The following ASRGL1 variants were observed in gnomAD, a reference collection of about 807,000 sequenced individuals.
The protein encoded by ASRGL1 is isoaspartyl peptidase/L-asparaginase.
Under a neutral mutation model 22.4 loss-of-function variants are expected in ASRGL1, and 16 were observed. The ratio of observed to expected loss-of-function variants is 0.71; its 90% confidence interval spans 0.48 to 1.08. The LOEUF (loss-of-function observed/expected upper bound fraction) is 1.08, where lower values mean the gene tolerates loss of function less well. Ranked by LOEUF, ASRGL1 falls within the 50% of genes least tolerant of loss-of-function variation. The pLI is 0.00. For synonymous variants in ASRGL1, 165 were observed against 159.3 expected (o/e 1.04, Z -0.27); for missense variants, 412 against 410.1 (o/e 1.00, Z -0.04).
At chr11:62,389,359 C>T in intron 5 of ASRGL1, 108 bp downstream of exon 5, 2 of 1,086,284 alleles carry the variant, frequency 1.8e-6, no homozygotes, top group Non-Finnish European at 2.8e-6. Flanking sequence ...TCCCTTTCTG[C>T]TTTTGGTGCA....
At chr11:62,371,575 G>C (rs1350724040) in intron 4 of ASRGL1, 2 of 691,820 alleles carry the variant, frequency 2.9e-6, no homozygotes, top group East Asian at 6.4e-5. Flanking sequence ...CACTGCGGAA[G>C]GCCACAGGGA....
At chr11:62,373,459 G>C (rs962089535) in intron 4 of ASRGL1, among the ~76,000 whole-genome samples, 2 of 151,826 alleles carry the variant, frequency 1.3e-5, no homozygotes, top group Non-Finnish European at 2.9e-5. Context: ...GAGCAATCTA[G>C]GTGTTTTTTT....
At chr11:62,338,760 A>C (rs888240395) in intron 2 of ASRGL1, among the ~76,000 whole-genome samples, 9 of 151,602 alleles carry the variant, frequency 5.9e-5, no homozygotes, top group African/African-American at 1.9e-4. Flanking sequence ...ACAGGTGAAA[A>C]GCCACCTCTA....
intron 2 of ASRGL1, among the ~76,000 whole-genome samples, chr11:62,341,982 G>A (rs1945874686): frequency 6.6e-6 from 1 of 152,212 alleles, no homozygotes; most frequent in South Asian, 2.1e-4. Flanking sequence ...TATTTAGTAA[G>A]GCCGTTTTTA....
At chr11:62,397,519 C>G (rs1422098484), downstream of ASRGL1, among the ~76,000 whole-genome samples, 1 of 151,942 alleles carries the variant, frequency 6.6e-6, no homozygotes, top group Non-Finnish European at 1.5e-5. Flanking sequence ...ACAAAATTAG[C>G]CGGGCATGGT....
chr11:62,349,526 G>A (rs1042343880), intron 2 of ASRGL1, among the ~76,000 whole-genome samples: 3 of 152,190 alleles, frequency 2.0e-5, no homozygotes, highest in African/African-American at 7.2e-5. Context: ...CTGAGGGACA[G>A]CTCTATGTGT....
chr11:62,371,089 T>G lies in ASRGL1; in HGVS notation c.491+13945T>G, dbSNP rs912983558. 7.8e-6 allele frequency: 5 copies of G among 644,046 alleles called. No individual in the cohort carries two copies. In the African/African-American group the frequency reaches 9.7e-5, roughly 12 times the overall value. The allele number at this position is 644,046 out of a possible 1,614,324, so 39.9% of individuals were successfully genotyped here. A position where few individuals can be genotyped will look rare whatever the true frequency, so the allele number is the denominator to read the frequency against. On this transcript the variant is annotated intron_variant, in intron 4 of 6. Transcript: ENST00000415229. ...CGATCCGTCTTTTAGTTGCTTCTCT[T>G]CCTTTTTTCTCTCTGGTTTCTCATC...
chr11:62,362,639 A>ATATTATATAAAAT (rs1946490362), intron 4 of ASRGL1, among the ~76,000 whole-genome samples: 1 of 21,192 alleles, frequency 4.7e-5, no homozygotes, highest in Non-Finnish European at 9.9e-5. Context: ...AAATATATAT[A>ATATTATATAAAAT]ATATATAATA....
At chr11:62,367,444 G>C (rs2134644385) in intron 4 of ASRGL1, among the ~76,000 whole-genome samples, 2 of 151,702 alleles carry the variant, frequency 1.3e-5, no homozygotes, top group African/African-American at 4.8e-5. Context: ...TCAGGAGTTT[G>C]AGACCAGTTG....
chr11:62,345,835 A>G (rs953558353), intron 2 of ASRGL1, among the ~76,000 whole-genome samples: 1 of 152,188 alleles, frequency 6.6e-6, no homozygotes, highest in African/African-American at 2.4e-5. Flanking sequence ...ACAGTTCACA[A>G]CAGGGTTCAC....
At chr11:62,389,408 G>T in intron 5 of ASRGL1, 157 bp downstream of exon 5, 1 of 754,176 alleles carries the variant, frequency 1.3e-6, no homozygotes, top group Non-Finnish European at 2.3e-6. Flanking sequence ...GGTTGGAAGG[G>T]GTTGTTCGGG....
Position 62,359,446 on chromosome 11 carries a change from CA to C in ASRGL1, c.491+2313del, listed in dbSNP as rs561856308. 6.8e-4 allele frequency among the ~76,000 whole-genome samples: 95 copies of C among 138,796 alleles called. No homozygotes were observed. The South Asian group carries it at 7.2e-3, about 11-fold the overall frequency. The allele number at this position is 138,796 out of a possible 152,430, so 91.1% of individuals were successfully genotyped here. ...GGGCAACAAGAGCGAAACTTTGTCT[CA>C]AAAAAAAAAAGTGAAATTAATAATA... On this transcript the variant is annotated intron_variant, in intron 4 of 6. Coordinates refer to ENST00000415229, the MANE Select transcript of ASRGL1 (RefSeq NM_001083926.2).
At chr11:62,364,421 A>T (rs1183228668) in intron 4 of ASRGL1, among the ~76,000 whole-genome samples, 1 of 142,288 alleles carries the variant, frequency 7.0e-6, no homozygotes, top group East Asian at 1.9e-4. Context: ...ATTTTTCTAG[A>T]TAAAATAGTA....
chr11:62,360,019 CT>C lies in ASRGL1; in HGVS notation c.491+2889del, dbSNP rs112728071. ...CTTCTTTTTTTTGTTTTTTGCTTTT[CT>C]TTTTTTTTTTTTTGGTTTTGTTTGT... On this transcript the variant is annotated intron_variant, in intron 4 of 6. Coordinates refer to ENST00000415229, the MANE Select transcript of ASRGL1 (RefSeq NM_001083926.2). Among the ~76,000 whole-genome samples the C allele has an allele frequency of 6.3e-3, 830 of 132,078 alleles. 5 individuals carry two copies. Among genetic ancestry groups the C allele is most frequent in the African/African-American group, 0.016 (568 of 36,398 alleles). The allele number at this position is 132,078 out of a possible 152,430, so 86.6% of individuals were successfully genotyped here. A position where few individuals can be genotyped will look rare whatever the true frequency, so the allele number is the denominator to read the frequency against.
chr11:62,369,212 A>C (rs1307501795), intron 4 of ASRGL1, among the ~76,000 whole-genome samples: 1 of 152,152 alleles, frequency 6.6e-6, no homozygotes, highest in Non-Finnish European at 1.5e-5. Context: ...GATGACTTTT[A>C]ACAAGCATAC....
At chr11:62,358,376 A>AC (rs1025300813) in intron 4 of ASRGL1, among the ~76,000 whole-genome samples, 3 of 151,172 alleles carry the variant, frequency 2.0e-5, no homozygotes, top group Non-Finnish European at 4.4e-5. Context: ...TCTCAGAAAA[A>AC]AAAAAAAAAA....
chr11:62,362,457 A>T (rs1380172894), intron 4 of ASRGL1, among the ~76,000 whole-genome samples: 3 of 123,248 alleles, frequency 2.4e-5, no homozygotes, highest in South Asian at 4.4e-4. Context: ...TGTAACCAAA[A>T]ATATATATAT....
chr11:62,386,574 T>A (rs1011164494), intron 4 of ASRGL1, among the ~76,000 whole-genome samples: 7 of 85,770 alleles, frequency 8.2e-5, no homozygotes, highest in African/African-American at 1.8e-4. Context: ...ACTGAGGGTC[T>A]TGGAACGTAT....
intron 2 of ASRGL1, among the ~76,000 whole-genome samples, chr11:62,352,786 T>C (rs929704578): frequency 3.9e-5 from 6 of 152,202 alleles, no homozygotes; most frequent in African/African-American, 9.6e-5. Context: ...TGGTGACAAA[T>C]TCTTTGTCAT....
Sources: gnomAD v4.1 joint callset for allele counts (sites outside exome capture counted in the v4.1 genomes callset) on GRCh38, gnomAD v4.1.1 for gene constraint, MANE v1.5 for transcripts, NCBI Gene and HGNC (gene_info 2026-07-23, HGNC 2026-07-21) for gene names.